Variants in BAIAP2L2 observed in about 807,000 individuals in gnomAD.
BAIAP2L2 encodes the protein BAR/IMD domain containing adaptor protein 2 like 2, also known as BAR/IMD domain-containing adapter protein 2-like 2.
A neutral mutation model predicts 60.4 loss-of-function variants in BAIAP2L2; 65 were observed. The observed-to-expected ratio is 1.08, with a 90% CI of 0.88 to 1.32. BAIAP2L2 has a LOEUF of 1.32. BAIAP2L2 is among the 40% of genes most tolerant of loss of function. The pLI, the probability that BAIAP2L2 is intolerant of heterozygous loss-of-function variation, is 0.00. For missense variants in BAIAP2L2, 836 were observed against 741.2 expected (o/e 1.13, Z -1.48); for synonymous variants, 344 against 301.7 (o/e 1.14, Z -1.45).
chr22:38,087,052 G>C (rs1336605414), intron 11 of BAIAP2L2, 72 bp downstream of exon 11: 1 of 1,438,538 alleles, frequency 7.0e-7, no homozygotes, highest in African/African-American at 1.5e-5. Context: ...GCACCTTGCA[G>C]ATCCTCTCCG....
chr22:38,086,207 C>A (rs200078908), intron 12 of BAIAP2L2, 35 bp downstream of exon 12: 4 of 1,594,906 alleles, frequency 2.5e-6, no homozygotes, highest in Non-Finnish European at 3.4e-6. Context: ...TCCCTGCCCG[C>A]TGGAGGCCCC....
chr22:38,097,856 C>T (rs2086474919), intron 6 of BAIAP2L2, among the ~76,000 whole-genome samples: 1 of 152,074 alleles, frequency 6.6e-6, no homozygotes, highest in Non-Finnish European at 1.5e-5. Context: ...AGCCACAGGG[C>T]AAGGGGCGGT....
intron 4 of BAIAP2L2, among the ~76,000 whole-genome samples, chr22:38,102,656 GC>G (rs1260784648): frequency 6.6e-6 from 1 of 152,148 alleles, no homozygotes; most frequent in Non-Finnish European, 1.5e-5. Flanking sequence ...ACTTTGGGAG[GC>G]CCAGATGGGA....
intron 7 of BAIAP2L2, among the ~76,000 whole-genome samples, chr22:38,093,395 G>T (rs545288426): frequency 6.6e-6 from 1 of 152,208 alleles, no homozygotes; most frequent in East Asian, 1.9e-4. Context: ...AATGCACAAC[G>T]GACTAACACA....
Position 38,089,595 on chromosome 22 carries a change from G to C in BAIAP2L2, c.692C>G (p.Ser231Cys). ...CAGCGCGGGGCCCAGCAGGCCGGGG[G>C]AGTGGGCGCGCGACGGGCTGCGGCT... Reference protein sequence around the residue: ...EASRSPSRAHSPGLLGPALGP... With the variant: ...EASRSPSRAHCPGLLGPALGP... The change falls in exon 8 of 14, where the codon TCC becomes TGC. Residue 231 changes from serine (S) to cysteine (C), a missense_variant. By Grantham distance (112) the Ser-to-Cys change is moderately radical (BLOSUM62 -1). Coordinates refer to ENST00000381669, the MANE Select transcript of BAIAP2L2 (RefSeq NM_025045.6). The C allele has an allele frequency of 8.1e-7, 1 of 1,234,978 alleles. No individual in the cohort carries two copies. The highest frequency in any genetic ancestry group is 1.0e-6 in the Non-Finnish European group (1 of 991,114). The allele number at this position is 1,234,978 out of a possible 1,614,324, so 76.5% of individuals were successfully genotyped here. A position where few individuals can be genotyped will look rare whatever the true frequency, so the allele number is the denominator to read the frequency against.
chr22:38,100,141 T>C lies in BAIAP2L2; in HGVS notation c.277-1659A>G, dbSNP rs567287391. Reference sequence around the variant, plus strand: ...ATACAACGGTGAACAGAAACGTGCGTTGTTATAGAAATGCCAGGTAGATGC... The same window carrying C: ...ATACAACGGTGAACAGAAACGTGCGCTGTTATAGAAATGCCAGGTAGATGC... On this transcript the variant is annotated intron_variant, in intron 4 of 13. Coordinates refer to ENST00000381669, the MANE Select transcript of BAIAP2L2 (RefSeq NM_025045.6). 5.9e-5 allele frequency among the ~76,000 whole-genome samples: 9 copies of C among 152,112 alleles called. No individual in the cohort carries two copies. In the South Asian group the frequency reaches 1.9e-3, roughly 32 times the overall value.
In BAIAP2L2 at chr22:38,085,080, G is replaced by A; in HGVS notation, c.*220C>T. 1 of 530,396 alleles carries A rather than the reference G, an allele frequency of 1.9e-6. No individual in the cohort carries two copies. Among genetic ancestry groups the A allele is most frequent in the African/African-American group, 1.9e-5 (1 of 52,066 alleles). 32.9% of individuals were successfully genotyped at this position (530,396 alleles called of 1,614,324 possible). On this transcript the variant is annotated 3_prime_UTR_variant, in exon 14 of 14. Coordinates refer to ENST00000381669, the MANE Select transcript of BAIAP2L2 (RefSeq NM_025045.6). The stretch of plus-strand genomic sequence containing the variant: ...TGGAGCCCCTGGAGGGGGAGAAATT[G>A]TCCTGTCCCCCCATTCCGCCTGCTT...
intron 4 of BAIAP2L2, among the ~76,000 whole-genome samples, chr22:38,105,289 C>G (rs1173559493): frequency 6.6e-6 from 1 of 151,900 alleles, no homozygotes; most frequent in Middle Eastern, 3.4e-3. Flanking sequence ...GCCCTTCCCC[C>G]AGATGTATTC....
At chr22:38,088,986 G>C in intron 9 of BAIAP2L2, 22 bp from the exon 10 acceptor site, 1 of 1,482,388 alleles carries the variant, frequency 6.7e-7, no homozygotes, top group Non-Finnish European at 8.9e-7. Flanking sequence ...AGAGCGCGGC[G>C]GCACGTGGGC....
At chr22:38,100,498 G>A (rs2086543082) in intron 4 of BAIAP2L2, among the ~76,000 whole-genome samples, 2 of 151,978 alleles carry the variant, frequency 1.3e-5, no homozygotes, top group African/African-American at 4.8e-5. Context: ...CTGCATGCCA[G>A]CCTGGGCAAC....
chr22:38,088,131 G>T (rs1008156289), intron 10 of BAIAP2L2, among the ~76,000 whole-genome samples: 4 of 152,218 alleles, frequency 2.6e-5, no homozygotes, highest in African/African-American at 9.6e-5. Flanking sequence ...GAAGCCCCGA[G>T]GGGGCACTGC....
Position 38,092,649 on chromosome 22 carries a change from T to C in BAIAP2L2, c.613-2975A>G, listed in dbSNP as rs185167445. The stretch of plus-strand genomic sequence containing the variant: ...CTTAGCTATCTTAGGAGTTAGATCT[T>C]GGATGTTTTAAAGTCCAGCTGGGTC... On this transcript the variant is annotated intron_variant, in intron 7 of 13. Transcript: ENST00000381669. 2.6e-4 allele frequency among the ~76,000 whole-genome samples: 39 copies of C among 152,264 alleles called. No individual in the cohort carries two copies. The East Asian group carries it at 6.9e-3, about 27-fold the overall frequency.
chr22:38,087,789 C>A lies in BAIAP2L2; in HGVS notation c.1119-525G>T, dbSNP rs575613821. On this transcript the variant is annotated intron_variant, in intron 10 of 13. Transcript: ENST00000381669. ...CTCCATCCCCCGTGTAGCCACGAATCCATCCAGCACCCCCTCACCACTCAC... is the reference window on the plus strand; with the variant it reads ...CTCCATCCCCCGTGTAGCCACGAATACATCCAGCACCCCCTCACCACTCAC... Among the ~76,000 whole-genome samples, 33 of 140,868 alleles carry A rather than the reference C, an allele frequency of 2.3e-4. No individual in the cohort carries two copies. In the South Asian group the frequency reaches 7.5e-3, roughly 32 times the overall value. The allele number at this position is 140,868 out of a possible 152,430, so 92.4% of individuals were successfully genotyped here. A position where few individuals can be genotyped will look rare whatever the true frequency, so the allele number is the denominator to read the frequency against.
chr22:38,088,780 G>A lies in BAIAP2L2; in HGVS notation c.1086C>T (p.Gly362=), dbSNP rs769177938. The stretch of plus-strand genomic sequence containing the variant: ...AGCCCTCCAGCTTGCCGTAGAGCCA[G>A]CCGTTCTGGGCCTCGGGCACCAACA... ...VEVLVPEAQN[G]WLYGKLEGSS... The change falls in exon 10 of 14, where the codon GGC becomes GGT. Residue 362 remains glycine, a synonymous_variant. Coordinates refer to ENST00000381669, the MANE Select transcript of BAIAP2L2 (RefSeq NM_025045.6). 1 of 1,600,910 alleles carries A rather than the reference G, an allele frequency of 6.2e-7. No homozygotes were observed. Among genetic ancestry groups the A allele is most frequent in the Non-Finnish European group, 8.5e-7 (1 of 1,179,514 alleles).
chr22:38,109,083 G>T, intron 2 of BAIAP2L2, 50 bp downstream of exon 2: 1 of 1,209,612 alleles, frequency 8.3e-7, no homozygotes, highest in South Asian at 1.2e-5. Context: ...GGGTGGGTGG[G>T]AACAGCAGAG....
rs563773813 is a variant in BAIAP2L2, at chr22:38,087,084, G to A, written c.1259+40C>T. 5.3e-5 allele frequency: 78 copies of A among 1,484,908 alleles called. 1 individual carries two copies. The South Asian group carries it at 6.8e-4, about 13-fold the overall frequency. 92.0% of individuals were successfully genotyped at this position (1,484,908 alleles called of 1,614,324 possible). A position where few individuals can be genotyped will look rare whatever the true frequency, so the allele number is the denominator to read the frequency against. ...TCCGCTGGGCAGTGACACCCTTGCC[G>A]GCGTCCTCACCCCCGCCCCACCCCT... On this transcript the variant is annotated intron_variant, in intron 11 of 13. Transcript: ENST00000381669.
chr22:38,093,290 T>TG (rs2086351595), intron 7 of BAIAP2L2, among the ~76,000 whole-genome samples: 1 of 152,266 alleles, frequency 6.6e-6, no homozygotes, highest in Non-Finnish European at 1.5e-5. Context: ...CAGGAGCAGA[T>TG]GCGGGCAATG....
intron 7 of BAIAP2L2, 101 bp from the exon 8 acceptor site, chr22:38,089,775 G>A: frequency 9.0e-7 from 1 of 1,113,082 alleles, no homozygotes; most frequent in Non-Finnish European, 1.1e-6. Flanking sequence ...GGCCCTACCA[G>A]CTCGGGACGA....
At chr22:38,109,303 G>C in intron 1 of BAIAP2L2, 95 bp from the exon 2 acceptor site, 1 of 976,850 alleles carries the variant, frequency 1.0e-6, no homozygotes, top group Non-Finnish European at 1.6e-6. Flanking sequence ...CAGGGACAGG[G>C]CACCCCCAGC....
Sources: allele counts gnomAD v4.1 joint callset (sites outside exome capture counted in the v4.1 genomes callset), GRCh38; gene constraint gnomAD v4.1.1; transcripts MANE v1.5; gene names NCBI Gene and HGNC (gene_info 2026-07-23, HGNC 2026-07-21).